ATP2C1: variants seen among roughly 807,000 people sequenced by gnomAD.
ATP2C1 encodes the protein ATPase secretory pathway Ca2+ transporting 1, also known as calcium-transporting ATPase type 2C member 1.
A neutral mutation model predicts 120.5 loss-of-function variants in ATP2C1; 31 were observed. The observed-to-expected ratio is 0.26, with a 90% CI of 0.19 to 0.35. The LOEUF (loss-of-function observed/expected upper bound fraction) is 0.35. ATP2C1 is among the 10% of genes least tolerant of loss of function. The probability of loss-of-function intolerance (pLI) is 1.00; values close to 1 mark genes in which losing one functional copy is unlikely to be tolerated. For synonymous variants in ATP2C1, 351 were observed against 358.7 expected (o/e 0.98, Z 0.24); for missense variants, 731 against 1,107.5 (o/e 0.66, Z 4.83).
chr3:130,924,025 C>G (rs911236441), intron 2 of ATP2C1, among the ~76,000 whole-genome samples: 2 of 152,022 alleles, frequency 1.3e-5, no homozygotes, highest in South Asian at 4.1e-4. Flanking sequence ...ATCCATTCTT[C>G]CATTCTGTAT....
At chr3:130,974,819 A>AGT (rs2061473562) in intron 17 of ATP2C1, among the ~76,000 whole-genome samples, 1 of 152,188 alleles carries the variant, frequency 6.6e-6, no homozygotes, top group Admixed American at 6.6e-5. Flanking sequence ...GCTTCCATGG[A>AGT]GTAGGACTAG....
At chr3:130,923,429 TG>T (rs1477140846) in intron 2 of ATP2C1, among the ~76,000 whole-genome samples, 3 of 152,058 alleles carry the variant, frequency 2.0e-5, no homozygotes, top group Non-Finnish European at 4.4e-5. Context: ...GTTTTCACCA[TG>T]CTGGTCTCGA....
At chr3:130,895,615 A>G (rs189720566) in intron 2 of ATP2C1, among the ~76,000 whole-genome samples, 3 of 152,230 alleles carry the variant, frequency 2.0e-5, no homozygotes, top group East Asian at 1.9e-4. Context: ...ACTATAAAAG[A>G]TACTTAACAA....
intron 19 of ATP2C1, 100 bp downstream of exon 19, chr3:130,979,519 T>A: frequency 7.8e-7 from 1 of 1,278,264 alleles, no homozygotes; most frequent in Non-Finnish European, 1.1e-6. Context: ...TTATGTAATA[T>A]TGAGATTATG....
At chr3:130,861,367 T>C (rs1177388271) in intron 1 of ATP2C1, among the ~76,000 whole-genome samples, 1 of 152,184 alleles carries the variant, frequency 6.6e-6, no homozygotes, top group African/African-American at 2.4e-5. Flanking sequence ...CTGCTGTCTA[T>C]AAGCTTGAGA....
rs1553764243 is a variant in ATP2C1, at chr3:130,941,254, G to GTGTGTGTGTC, written c.423-328_423-327insCTGTGTGTGT. On this transcript the variant is annotated intron_variant, in intron 7 of 27. Coordinates refer to ENST00000510168, the MANE Select transcript of ATP2C1 (RefSeq NM_001378687.1). ...TGTGTGTGTGTGTGTGTGTGTGTGT[G>GTGTGTGTGTC]TGTGTGTGTGTCTGTGTGTGTGCGC... Among the ~76,000 whole-genome samples the GTGTGTGTGTC allele has an allele frequency of 2.8e-4, 42 of 149,612 alleles. 1 individual carries two copies. The highest frequency in any genetic ancestry group is 1.0e-3 in the African/African-American group (42 of 40,608).
chr3:130,948,498 A>G (rs184257663), intron 8 of ATP2C1, among the ~76,000 whole-genome samples: 2 of 152,236 alleles, frequency 1.3e-5, no homozygotes, highest in Admixed American at 6.5e-5. Context: ...TGGTTTGATT[A>G]TAATGTGTTT....
At chr3:130,918,739 C>G (rs1232361346) in intron 2 of ATP2C1, 1 of 404,008 alleles carries the variant, frequency 2.5e-6, no homozygotes, top group Non-Finnish European at 4.7e-6. Context: ...CGCCTGTAAT[C>G]CCAGCACTTT....
intron 2 of ATP2C1, among the ~76,000 whole-genome samples, chr3:130,895,564 G>C (rs558529015): frequency 6.6e-6 from 1 of 152,084 alleles, no homozygotes; most frequent in Non-Finnish European, 1.5e-5. Flanking sequence ...ACTTGTGCGT[G>C]ATCATTTTTT....
intron 26 of ATP2C1, among the ~76,000 whole-genome samples, chr3:131,009,115 T>C (rs1398464938): frequency 6.6e-6 from 1 of 152,222 alleles, no homozygotes; most frequent in Non-Finnish European, 1.5e-5. Flanking sequence ...TCCCTCCTAT[T>C]GGTTGTACAA....
chr3:130,936,355 T>C (rs2059670057), intron 5 of ATP2C1, among the ~76,000 whole-genome samples: 1 of 152,164 alleles, frequency 6.6e-6, no homozygotes, highest in African/African-American at 2.4e-5. Context: ...AAAGATCCAT[T>C]CAAATGCAAG....
upstream of ATP2C1, among the ~76,000 whole-genome samples, chr3:130,892,221 C>T (rs2069196320): frequency 6.6e-6 from 1 of 152,154 alleles, no homozygotes; most frequent in African/African-American, 2.4e-5. Flanking sequence ...AAATTCTGTA[C>T]AGTTACCCTC....
chr3:130,964,835 T>C lies in ATP2C1; in HGVS notation c.1025-113T>C. The C allele has an allele frequency of 5.7e-6, 4 of 701,860 alleles. No homozygotes were observed. In the South Asian group the frequency reaches 7.3e-5, roughly 13 times the overall value. The allele number at this position is 701,860 out of a possible 1,614,324, so 43.5% of individuals were successfully genotyped here. ...AATCTAAAATTAACAATGAGTTTGA[T>C]TTCTATAAAATTCAGAGAAGTAGGA... On this transcript the variant is annotated intron_variant, in intron 13 of 27. Coordinates refer to ENST00000510168, the MANE Select transcript of ATP2C1 (RefSeq NM_001378687.1).
chr3:130,850,892 T>C (rs1037885192), exon 1 of ATP2C1: 1 of 1,425,692 alleles, frequency 7.0e-7, no homozygotes, highest in South Asian at 1.6e-5. Context: ...TTAGGAGATA[T>C]TTATCGACGC....
rs35503162 is a variant in ATP2C1, at chr3:131,010,187, C to CT, written c.2630-5944dup. Among the ~76,000 whole-genome samples the CT allele has an allele frequency of 8.9e-3, 783 of 87,954 alleles. 10 individuals carry two copies. The highest frequency in any genetic ancestry group is 0.029 in the African/African-American group (683 of 23,938). 57.7% of individuals were successfully genotyped at this position (87,954 alleles called of 152,430 possible). ...ATATCTGCTCTTCATCTTTTTCTAT[C>CT]TTTTTTTTTTTTTTTTTTTTTGAGA... On this transcript the variant is annotated intron_variant, in intron 26 of 26. Coordinates refer to the ATP2C1 transcript ENST00000328560.
At chr3:130,884,189 C>T (rs61326417) in intron 1 of ATP2C1, among the ~76,000 whole-genome samples, 1 of 152,192 alleles carries the variant, frequency 6.6e-6, no homozygotes, top group African/African-American at 2.4e-5. Flanking sequence ...GATCTGCCCA[C>T]CTCGGCCTCC....
At chr3:130,893,999 G>T (rs1033371313), upstream of ATP2C1, 9 of 985,834 alleles carry the variant, frequency 9.1e-6, no homozygotes, top group African/African-American at 1.4e-4. Context: ...GACAAAGCTG[G>T]GTTCGCGGCT....
At chr3:130,990,714 A>C (rs1484008449) in intron 20 of ATP2C1, among the ~76,000 whole-genome samples, 3 of 152,142 alleles carry the variant, frequency 2.0e-5, no homozygotes, top group Non-Finnish European at 4.4e-5. Context: ...ATCAGTTTGG[A>C]GGTATTGGCC....
Position 130,967,367 on chromosome 3 carries a change from ATACTC to A in ATP2C1, c.1259_1263del (p.Thr420AsnfsTer19). ...TGCAATGATGCTGTAATTAGAAACA[ATACTC>A]TAATGGGGAAGCCAACAGAAGGGGC... On this transcript the variant is annotated frameshift_variant, in exon 16 of 28. Coordinates refer to ENST00000510168, the MANE Select transcript of ATP2C1 (RefSeq NM_001378687.1). LOFTEE classifies it high-confidence loss of function. 6.2e-7 allele frequency: 1 copy of A among 1,613,794 alleles called. No homozygotes were observed. Among genetic ancestry groups the A allele is most frequent in the East Asian group, 2.2e-5 (1 of 44,840 alleles).
Sources: allele counts gnomAD v4.1 joint callset (sites outside exome capture counted in the v4.1 genomes callset), GRCh38; gene constraint gnomAD v4.1.1; transcripts MANE v1.5; gene names NCBI Gene and HGNC (gene_info 2026-07-23, HGNC 2026-07-21).